Variants in OTUD7A observed in about 807,000 individuals in gnomAD.
OTUD7A encodes the protein OTU domain-containing protein 7A.
In OTUD7A, 12 loss-of-function variants were observed where a neutral mutation model predicts 65.7. The ratio of observed to expected loss-of-function variants is 0.18; its 90% CI spans 0.12 to 0.30. The LOEUF is 0.30. OTUD7A is among the 10% of genes least tolerant of loss of function. The pLI, the probability that OTUD7A is intolerant of heterozygous loss-of-function variation, is 1.00. For missense variants in OTUD7A, 1,148 were observed against 1,304.8 expected (o/e 0.88, Z 1.85); for synonymous variants, 641 against 586.3 (o/e 1.09, Z -1.35).
rs866278646 is a variant in OTUD7A, at chr15:31,640,951, T to C, written c.151+14145A>G. Among the ~76,000 whole-genome samples, 3 of 152,124 alleles carry C rather than the reference T, an allele frequency of 2.0e-5. No homozygotes were observed. The South Asian group carries it at 6.2e-4, about 31-fold the overall frequency. ...GTTGAACATTTGATCAACATCACAG[T>C]TTTGATTACTGTACTCTTATGAGTT... is the stretch of plus-strand genomic sequence containing the variant. On this transcript the variant is annotated intron_variant, in intron 3 of 12. Transcript: ENST00000307050.
chr15:31,617,004 C>A (rs1231186875), intron 3 of OTUD7A, among the ~76,000 whole-genome samples: 1 of 151,938 alleles, frequency 6.6e-6, no homozygotes, highest in Non-Finnish European at 1.5e-5. Context: ...GCAAATTTAA[C>A]CAACAAATAA....
intron 1 of OTUD7A, among the ~76,000 whole-genome samples, chr15:31,682,167 T>G (rs966073642): frequency 2.6e-5 from 4 of 152,176 alleles, no homozygotes; most frequent in African/African-American, 9.7e-5. Flanking sequence ...CATGTAGACC[T>G]GGAGAACAAC....
At chr15:31,525,992 C>G (rs1346259281) in intron 8 of OTUD7A, among the ~76,000 whole-genome samples, 1 of 152,244 alleles carries the variant, frequency 6.6e-6, no homozygotes, top group Non-Finnish European at 1.5e-5. Context: ...TGGGAATGCT[C>G]ACCATCACGT....
At chr15:31,827,131 G>A (rs1381446370) in intron 1 of OTUD7A, among the ~76,000 whole-genome samples, 1 of 152,080 alleles carries the variant, frequency 6.6e-6, no homozygotes, top group Non-Finnish European at 1.5e-5. Context: ...CACTCTACTG[G>A]TACCAATTTA....
In OTUD7A at chr15:31,558,965, T is replaced by A. The variant is rs1471739930; in HGVS notation, c.550+4A>T. ...GGGTGGGCCTGCTGGCAGGGGCAAC[T>A]CACCTGCCTGCTCCAAAGCCACCAT... is the stretch of plus-strand genomic sequence containing the variant. On this transcript the variant is annotated splice_donor_region_variant and intron_variant, in intron 5 of 12. Transcript: ENST00000307050. 3.7e-6 allele frequency: 6 copies of A among 1,613,940 alleles called. No individual in the cohort carries two copies. Among genetic ancestry groups the A allele is most frequent in the Non-Finnish European group, 5.1e-6 (6 of 1,179,966 alleles).
rs539967882 is a variant in OTUD7A at position 31,477,621 on chromosome 15, T to A, written c.*5673A>T. On this transcript the variant is annotated 3_prime_UTR_variant, in exon 13 of 13. Coordinates refer to ENST00000307050, the MANE Select transcript of OTUD7A (RefSeq NM_001382637.1). ...ACCTAGATTTGATGAAAGCTGAAATTGACATTTTCTGGCCTCTTAATAGTT... is the reference window on the plus strand; with the variant it reads ...ACCTAGATTTGATGAAAGCTGAAATAGACATTTTCTGGCCTCTTAATAGTT... The A allele has an allele frequency of 6.6e-6, 1 of 152,166 alleles. No individual in the cohort carries two copies. The highest frequency in any genetic ancestry group is 1.9e-4 in the East Asian group (1 of 5,202). 9.4% of individuals were successfully genotyped at this position (152,166 alleles called of 1,614,324 possible). A position where few individuals can be genotyped will look rare whatever the true frequency, so the allele number is the denominator to read the frequency against.
intron 1 of OTUD7A, among the ~76,000 whole-genome samples, chr15:31,666,346 G>C (rs1308359427): frequency 2.0e-5 from 3 of 152,072 alleles, no homozygotes; most frequent in Non-Finnish European, 2.9e-5. Flanking sequence ...TTTAAGCTAG[G>C]AGGATTGTAT....
At chr15:31,766,103 C>T (rs532545537) in intron 1 of OTUD7A, 2 of 1,447,034 alleles carry the variant, frequency 1.4e-6, no homozygotes, top group Admixed American at 3.3e-5. Context: ...GATGTTTTTC[C>T]ACTGCAGTCT....
chr15:31,543,763 A>G (rs1433697322), intron 5 of OTUD7A, among the ~76,000 whole-genome samples: 1 of 151,898 alleles, frequency 6.6e-6, no homozygotes, highest in Admixed American at 6.6e-5. Context: ...AAAAATCCAT[A>G]GGAATAAAAG....
At chr15:31,802,917 T>C (rs530441426) in intron 1 of OTUD7A, among the ~76,000 whole-genome samples, 4 of 152,278 alleles carry the variant, frequency 2.6e-5, no homozygotes, top group East Asian at 1.9e-4. Context: ...TTTGTCAGGC[T>C]CCACAGTGAC....
intron 3 of OTUD7A, among the ~76,000 whole-genome samples, chr15:31,643,731 C>G (rs1457358040): frequency 6.6e-6 from 1 of 152,104 alleles, no homozygotes; most frequent in African/African-American, 2.4e-5. Context: ...TGGTGCTGGA[C>G]AAGTTTATAT....
intron 10 of OTUD7A, among the ~76,000 whole-genome samples, chr15:31,490,539 C>A (rs1285041681): frequency 6.6e-6 from 1 of 152,152 alleles, no homozygotes; most frequent in East Asian, 1.9e-4. Flanking sequence ...ACCGACTTAT[C>A]CAATATCTAA....
intron 5 of OTUD7A, among the ~76,000 whole-genome samples, chr15:31,549,135 C>CAAAA (rs568463366): frequency 3.1e-5 from 2 of 65,056 alleles, no homozygotes; most frequent in Non-Finnish European, 3.7e-5. Context: ...GGCCTTGTCT[C>CAAAA]AAAAAAAAAA....
intron 1 of OTUD7A, among the ~76,000 whole-genome samples, chr15:31,866,502 T>C (rs1897878390): frequency 6.6e-6 from 1 of 152,174 alleles, no homozygotes; most frequent in African/African-American, 2.4e-5. Flanking sequence ...AAGAACACCA[T>C]TCCAAAAGTG....
At chr15:31,749,066 C>T (rs1894556126) in intron 1 of OTUD7A, among the ~76,000 whole-genome samples, 1 of 142,272 alleles carries the variant, frequency 7.0e-6, no homozygotes, top group Non-Finnish European at 1.5e-5. Flanking sequence ...CATGTTCTCA[C>T]TCATAGGTGG....
chr15:31,640,880 C>T (rs143657156), intron 3 of OTUD7A, among the ~76,000 whole-genome samples: 395 of 152,156 alleles, frequency 2.6e-3, no homozygotes, highest in South Asian at 9.4e-3. Flanking sequence ...GCCTTGAAAG[C>T]AAATTTTCTA....
At position 31,784,634 on chromosome 15, in the gene OTUD7A, C is replaced by T. The variant is rs559144396; in HGVS notation, c.-100+85873G>A. Among the ~76,000 whole-genome samples the T allele has an allele frequency of 2.6e-5, 4 of 152,114 alleles. No individual in the cohort carries two copies. In the East Asian group the frequency reaches 5.8e-4, roughly 22 times the overall value. On this transcript the variant is annotated intron_variant, in intron 1 of 12. Transcript: ENST00000307050. ...ACAAAGAAAAGCTCTTTAGGCACCA[C>T]GATAATTTTTAAGAATGTAAGGGAA...
chr15:31,781,700 A>G (rs1272283003), intron 1 of OTUD7A, among the ~76,000 whole-genome samples: 1 of 152,144 alleles, frequency 6.6e-6, no homozygotes. Context: ...CAGGGATGCC[A>G]TCTCTGCTCG....
intron 3 of OTUD7A, among the ~76,000 whole-genome samples, chr15:31,618,261 C>T (rs567886791): frequency 6.6e-6 from 1 of 152,268 alleles, no homozygotes; most frequent in East Asian, 1.9e-4. Context: ...GTCTTTATAG[C>T]AGCATGATTT....
Sources: allele counts gnomAD v4.1 joint callset (sites outside exome capture counted in the v4.1 genomes callset), GRCh38; gene constraint gnomAD v4.1.1; transcripts MANE v1.5; gene names NCBI Gene and HGNC (gene_info 2026-07-23, HGNC 2026-07-21).